The following PTPRD variants were observed in gnomAD, a reference collection of about 807,000 sequenced individuals.
PTPRD encodes the protein receptor-type tyrosine-protein phosphatase delta.
In PTPRD, 34 loss-of-function variants were observed where a neutral mutation model predicts 214.5. The ratio of observed to expected loss-of-function variants is 0.16; its 90% CI spans 0.12 to 0.21. PTPRD has a LOEUF of 0.21. PTPRD is among the 10% of genes least tolerant of loss of function. The pLI, the probability that PTPRD is intolerant of heterozygous loss-of-function variation, is 1.00. For synonymous variants in PTPRD, 1,128 were observed against 845.7 expected (o/e 1.33, Z -5.79); for missense variants, 2,545 against 2,398.7 (o/e 1.06, Z -1.27).
chr9:8,734,486 C>G (rs963743545), intron 11 of PTPRD, among the ~76,000 whole-genome samples: 4 of 152,234 alleles, frequency 2.6e-5, no homozygotes, highest in Non-Finnish European at 5.9e-5. Flanking sequence ...TATTTGGCTT[C>G]TTCCCTGAAG....
chr9:8,495,118 C>G (rs531223812), intron 26 of PTPRD, among the ~76,000 whole-genome samples: 11 of 152,140 alleles, frequency 7.2e-5, no homozygotes, highest in Non-Finnish European at 1.6e-4. Flanking sequence ...CTGTGACTTC[C>G]AATCTGAGCT....
At chr9:10,392,693 G>T (rs754538673) in intron 2 of PTPRD, among the ~76,000 whole-genome samples, 7 of 151,792 alleles carry the variant, frequency 4.6e-5, no homozygotes, top group African/African-American at 1.7e-4. Context: ...TCGGAATTCT[G>T]CCAGAATATT....
intron 15 of PTPRD, chr9:8,528,145 T>C (rs1215073617): frequency 6.1e-6 from 2 of 329,070 alleles, no homozygotes; most frequent in African/African-American, 4.2e-5. Context: ...TTAATAAAAT[T>C]GAAACATTTT....
intron 2 of PTPRD, among the ~76,000 whole-genome samples, chr9:10,600,104 C>T (rs1252570813): frequency 6.6e-6 from 1 of 151,610 alleles, no homozygotes; most frequent in Admixed American, 6.6e-5. Flanking sequence ...CTTTATTTTA[C>T]CACATAGTAT....
chr9:8,367,170 G>C (rs1051358053), intron 39 of PTPRD, among the ~76,000 whole-genome samples: 1 of 152,106 alleles, frequency 6.6e-6, no homozygotes, highest in African/African-American at 2.4e-5. Context: ...TATAATTAAA[G>C]TAAGTCTCAC....
chr9:9,943,202 T>C (rs1425188391), intron 4 of PTPRD, among the ~76,000 whole-genome samples: 1 of 152,198 alleles, frequency 6.6e-6, no homozygotes, highest in Non-Finnish European at 1.5e-5. Flanking sequence ...ACTTGTTAGA[T>C]ATCCTAATAG....
chr9:9,324,154 G>T (rs1342621229), intron 9 of PTPRD, among the ~76,000 whole-genome samples: 1 of 152,252 alleles, frequency 6.6e-6, no homozygotes, highest in South Asian at 2.1e-4. Context: ...AAACATACGT[G>T]TGCATGTGTC....
chr9:8,511,846 T>C (rs1397053388), intron 21 of PTPRD, among the ~76,000 whole-genome samples: 1 of 152,110 alleles, frequency 6.6e-6, no homozygotes, highest in Admixed American at 6.6e-5. Flanking sequence ...ATAATCCTAC[T>C]GATACATGTT....
At chr9:8,532,544 A>G (rs2075985083) in intron 14 of PTPRD, among the ~76,000 whole-genome samples, 1 of 152,134 alleles carries the variant, frequency 6.6e-6, no homozygotes, top group Admixed American at 6.6e-5. Flanking sequence ...ATATGCTAGT[A>G]GCTTTAAACT....
intron 10 of PTPRD, among the ~76,000 whole-genome samples, chr9:9,041,375 G>C (rs533743353): frequency 6.6e-6 from 1 of 151,854 alleles, no homozygotes; most frequent in Non-Finnish European, 1.5e-5. Context: ...CACCCTCCAC[G>C]CTCTGATAGG....
intron 5 of PTPRD, among the ~76,000 whole-genome samples, chr9:9,807,712 C>T (rs765328884): frequency 6.6e-6 from 1 of 152,158 alleles, no homozygotes; most frequent in Non-Finnish European, 1.5e-5. Flanking sequence ...GTGGTATTTT[C>T]ATTTACAAAA....
chr9:8,573,809 A>T (rs2154240116), intron 14 of PTPRD, among the ~76,000 whole-genome samples: 1 of 152,092 alleles, frequency 6.6e-6, no homozygotes, highest in East Asian at 1.9e-4. Flanking sequence ...TTTTGTAACC[A>T]GTGTTCAATA....
At chr9:9,900,954 C>G (rs1031650379) in intron 5 of PTPRD, among the ~76,000 whole-genome samples, 1 of 152,024 alleles carries the variant, frequency 6.6e-6, no homozygotes, top group African/African-American at 2.4e-5. Context: ...ATGTATTAGT[C>G]CATTTTGCAT....
At chr9:9,585,983 T>G (rs2091876368) in intron 7 of PTPRD, among the ~76,000 whole-genome samples, 1 of 152,048 alleles carries the variant, frequency 6.6e-6, no homozygotes, top group Non-Finnish European at 1.5e-5. Context: ...CTCTGGTTAG[T>G]TCCGAGTTGG....
intron 5 of PTPRD, among the ~76,000 whole-genome samples, chr9:9,793,040 C>T (rs568585440): frequency 6.6e-6 from 1 of 151,892 alleles, no homozygotes; most frequent in African/African-American, 2.4e-5. Flanking sequence ...CAAAAATGAC[C>T]TTGTAACTTC....
chr9:9,779,351 A>G (rs1373442971), intron 5 of PTPRD, among the ~76,000 whole-genome samples: 2 of 152,260 alleles, frequency 1.3e-5, no homozygotes, highest in Non-Finnish European at 1.5e-5. Context: ...AAAACTGATA[A>G]GTGGCATGGG....
intron 10 of PTPRD, among the ~76,000 whole-genome samples, chr9:9,080,926 A>C (rs1258280033): frequency 2.0e-5 from 3 of 151,634 alleles, no homozygotes; most frequent in Non-Finnish European, 4.4e-5. Flanking sequence ...CTATTTTGTT[A>C]ATCTTTTCAA....
intron 30 of PTPRD, among the ~76,000 whole-genome samples, chr9:8,480,312 CT>C (rs538767368): frequency 1.1e-4 from 17 of 152,290 alleles, no homozygotes; most frequent in African/African-American, 4.1e-4. Context: ...CTTCCTGTCA[CT>C]TTTTAAGCCT....
intron 12 of PTPRD, among the ~76,000 whole-genome samples, chr9:8,666,553 C>G (rs2097174337): frequency 6.6e-6 from 1 of 152,206 alleles, no homozygotes; most frequent in Non-Finnish European, 1.5e-5. Flanking sequence ...GCCAAATACT[C>G]TCCTTTCACA....
Sources: gnomAD v4.1 joint callset for allele counts (sites outside exome capture counted in the v4.1 genomes callset) on GRCh38, gnomAD v4.1.1 for gene constraint, MANE v1.5 for transcripts, NCBI Gene and HGNC (gene_info 2026-07-23, HGNC 2026-07-21) for gene names.